The following PTPRD variants were observed in gnomAD, a reference collection of about 807,000 sequenced individuals.
PTPRD encodes protein tyrosine phosphatase receptor type D, also known as receptor-type tyrosine-protein phosphatase delta.
Under a neutral mutation model 214.5 loss-of-function variants are expected in PTPRD, and 34 were observed. That is an observed-to-expected ratio of 0.16 (90% CI 0.12 to 0.21). The LOEUF (loss-of-function observed/expected upper bound fraction) is 0.21. Ranked by LOEUF, PTPRD falls within the 10% of genes least tolerant of loss-of-function variation. The pLI, the probability that PTPRD is intolerant of heterozygous loss-of-function variation, is 1.00. For synonymous variants in PTPRD, 1,128 were observed against 845.7 expected, an observed-to-expected ratio of 1.33 and a Z score of -5.79; for missense variants, 2,545 against 2,398.7, an observed-to-expected ratio of 1.06 and a Z score of -1.27.
chr9:8,546,595 T>G (rs369359819), intron 14 of PTPRD, among the ~76,000 whole-genome samples: 1 of 151,992 alleles, frequency 6.6e-6, no homozygotes, highest in African/African-American at 2.4e-5. Context: ...GCCTCCCAGT[T>G]TCAAGAGATT....
chr9:10,325,086 C>G (rs1447393213), intron 3 of PTPRD, among the ~76,000 whole-genome samples: 2 of 152,134 alleles, frequency 1.3e-5, no homozygotes, highest in East Asian at 3.9e-4. Context: ...ACCTCCTCCC[C>G]AATCTACTAC....
intron 12 of PTPRD, among the ~76,000 whole-genome samples, chr9:8,641,840 G>A (rs1397143597): frequency 6.6e-6 from 1 of 152,148 alleles, no homozygotes; most frequent in Non-Finnish European, 1.5e-5. Context: ...AACCTAATGG[G>A]TCTAATATTT....
At chr9:9,929,102 T>C (rs555226326) in intron 5 of PTPRD, among the ~76,000 whole-genome samples, 1 of 152,180 alleles carries the variant, frequency 6.6e-6, no homozygotes, top group Non-Finnish European at 1.5e-5. Context: ...CTGTCCGCTA[T>C]ACCTATTTTA....
At chr9:9,480,675 A>G (rs1303686148) in intron 8 of PTPRD, among the ~76,000 whole-genome samples, 1 of 152,152 alleles carries the variant, frequency 6.6e-6, no homozygotes, top group Non-Finnish European at 1.5e-5. Context: ...GTAAAAATAT[A>G]TACCATATAT....
chr9:10,313,397 T>TACACACACACACACACACACAC lies in PTPRD; in HGVS notation c.-545+27565_-545+27566insGTGTGTGTGTGTGTGTGTGTGT, dbSNP rs60788124. Among the ~76,000 whole-genome samples, 1,358 of 148,414 alleles carry TACACACACACACACACACACAC rather than the reference T, an allele frequency of 9.2e-3. 16 individuals carry two copies. The highest frequency in any genetic ancestry group is 0.029 in the African/African-American group (1,150 of 39,874). The stretch of plus-strand genomic sequence containing the variant: ...GACATGGTCAGAGACAGGTACAGAT[T>TACACACACACACACACACACAC]ACACACACACACACACACACAAATT... On this transcript the variant is annotated intron_variant, in intron 3 of 45. Coordinates refer to ENST00000381196, the MANE Select transcript of PTPRD (RefSeq NM_002839.4).
chr9:8,396,043 A>C (rs962791773), intron 36 of PTPRD, among the ~76,000 whole-genome samples: 2 of 152,070 alleles, frequency 1.3e-5, no homozygotes, highest in African/African-American at 4.8e-5. Flanking sequence ...ATTATTATAG[A>C]GGTTCATCAA....
chr9:8,484,922 C>T (rs1285128779), intron 29 of PTPRD, among the ~76,000 whole-genome samples: 1 of 152,062 alleles, frequency 6.6e-6, no homozygotes, highest in Non-Finnish European at 1.5e-5. Context: ...AGGTAGAAAC[C>T]ATGTAAATTT....
chr9:8,937,988 A>G (rs1588443660), intron 11 of PTPRD, among the ~76,000 whole-genome samples: 1 of 152,330 alleles, frequency 6.6e-6, no homozygotes, highest in East Asian at 1.9e-4. Context: ...AATAAATACA[A>G]TTTAGTCTTA....
At chr9:8,863,015 A>AG (rs1472277259) in intron 11 of PTPRD, among the ~76,000 whole-genome samples, 2 of 152,166 alleles carry the variant, frequency 1.3e-5, no homozygotes, top group African/African-American at 4.8e-5. Context: ...ATGTATACGT[A>AG]TGTAACTAAC....
At chr9:10,322,411 A>G (rs1319831863) in intron 3 of PTPRD, among the ~76,000 whole-genome samples, 1 of 152,068 alleles carries the variant, frequency 6.6e-6, no homozygotes, top group African/African-American at 2.4e-5. Flanking sequence ...AAATCTGACT[A>G]TTTCACACAG....
intron 10 of PTPRD, among the ~76,000 whole-genome samples, chr9:9,168,081 A>G (rs1210210641): frequency 6.6e-6 from 1 of 152,170 alleles, no homozygotes; most frequent in Non-Finnish European, 1.5e-5. Flanking sequence ...AATCTGGTCC[A>G]CTGCCTCTTT....
At chr9:9,493,787 C>CAAAAAAAAAAAAA (rs750252052) in intron 8 of PTPRD, among the ~76,000 whole-genome samples, 2 of 54,464 alleles carry the variant, frequency 3.7e-5, no homozygotes, top group South Asian at 6.0e-4. Flanking sequence ...GACTCCGTCT[C>CAAAAAAAAAAAAA]AAAAAAAAAA....
At chr9:8,668,281 A>C (rs868516022) in intron 12 of PTPRD, among the ~76,000 whole-genome samples, 51 of 152,332 alleles carry the variant, frequency 3.3e-4, no homozygotes, top group African/African-American at 1.2e-3. Context: ...CATCATAATT[A>C]TTCTTCTAAC....
chr9:10,409,511 T>A (rs2098412295), intron 2 of PTPRD, among the ~76,000 whole-genome samples: 1 of 151,760 alleles, frequency 6.6e-6, no homozygotes, highest in Non-Finnish European at 1.5e-5. Context: ...TTCACCAATA[T>A]TTAAGGCTAA....
chr9:9,802,837 C>T (rs917454808), intron 5 of PTPRD, among the ~76,000 whole-genome samples: 4 of 151,814 alleles, frequency 2.6e-5, no homozygotes, highest in Admixed American at 2.0e-4. Context: ...AACAAACTTA[C>T]AATTGTTTAT....
intron 5 of PTPRD, among the ~76,000 whole-genome samples, chr9:9,890,585 A>G (rs1440167685): frequency 6.6e-6 from 1 of 152,002 alleles, no homozygotes; most frequent in East Asian, 1.9e-4. Context: ...AATATGCCAG[A>G]ATTATTTTAC....
intron 7 of PTPRD, among the ~76,000 whole-genome samples, chr9:9,728,677 G>A (rs193298362): frequency 1.3e-5 from 2 of 152,154 alleles, no homozygotes; most frequent in East Asian, 1.9e-4. Context: ...AAGATACAGT[G>A]GCTCCTTTAA....
At chr9:10,179,331 T>C (rs1246485858) in intron 3 of PTPRD, among the ~76,000 whole-genome samples, 4 of 151,992 alleles carry the variant, frequency 2.6e-5, no homozygotes, top group Admixed American at 1.3e-4. Flanking sequence ...AAAAGTCTTT[T>C]TGAATAACTC....
In PTPRD at chr9:8,524,674, A is replaced by T; in HGVS notation, c.679+251T>A. 8.7e-6 allele frequency: 5 copies of T among 576,642 alleles called. No individual in the cohort carries two copies. The South Asian group carries it at 9.8e-5, about 11-fold the overall frequency. 35.7% of individuals were successfully genotyped at this position (576,642 alleles called of 1,614,324 possible). The stretch of plus-strand genomic sequence containing the variant: ...GTTCAATCAATACAGTAAAAATAGA[A>T]ACCAAGATGTAAAAATGCAAATATA... On this transcript the variant is annotated intron_variant, in intron 18 of 45. Coordinates refer to ENST00000381196, the MANE Select transcript of PTPRD (RefSeq NM_002839.4).
Sources: gnomAD v4.1 joint callset for allele counts (sites outside exome capture counted in the v4.1 genomes callset) on GRCh38, gnomAD v4.1.1 for gene constraint, MANE v1.5 for transcripts, NCBI Gene and HGNC (gene_info 2026-07-23, HGNC 2026-07-21) for gene names.